The following LOXHD1 variants were observed in gnomAD, a reference collection of about 807,000 sequenced individuals.
The protein encoded by LOXHD1 is lipoxygenase homology PLAT domains 1, also known as lipoxygenase homology domain-containing protein 1.
Under a neutral mutation model 248.2 loss-of-function variants are expected in LOXHD1, and 205 were observed. The observed-to-expected ratio is 0.83, with a 90% confidence interval of 0.74 to 0.93. The LOEUF is 0.93. Among genes scored for constraint, LOXHD1 ranks in the 40% least tolerant of loss-of-function variants. The pLI, the probability that LOXHD1 is intolerant of heterozygous loss-of-function variation, is 0.00. For synonymous variants in LOXHD1, 1,113 were observed against 1,162.8 expected (o/e 0.96, Z 0.87); for missense variants, 2,930 against 2,971.6 (o/e 0.99, Z 0.33).
At chr18:46,539,504 C>T (rs1478566998) in intron 25 of LOXHD1, among the ~76,000 whole-genome samples, 2 of 152,032 alleles carry the variant, frequency 1.3e-5, no homozygotes, top group African/African-American at 2.4e-5. Context: ...AGTTTCTCTG[C>T]AGGATGGGTC....
At chr18:46,562,622 G>A (rs1042723245) in intron 18 of LOXHD1, among the ~76,000 whole-genome samples, 1 of 152,172 alleles carries the variant, frequency 6.6e-6, no homozygotes, top group African/African-American at 2.4e-5. Flanking sequence ...TAGACTCAGA[G>A]GCCACAGGGC....
chr18:46,538,062 G>A, intron 26 of LOXHD1, 94 bp downstream of exon 26: 1 of 1,168,920 alleles, frequency 8.6e-7, no homozygotes, highest in East Asian at 2.6e-5. Flanking sequence ...AGTGCATCAG[G>A]ATGAAGGGCA....
Position 46,505,863 on chromosome 18 carries a change from C to T in LOXHD1, c.5853G>A (p.Lys1951=), listed in dbSNP as rs201366522. The T allele has an allele frequency of 5.7e-4, 877 of 1,551,706 alleles. 3 individuals carry two copies. The highest frequency in any genetic ancestry group is 1.7e-3 in the Middle Eastern group (10 of 5,992). ...CTTTGTTGTCGTGCCAGACCCTCAGCTTGCAGAGGTGGCCCAAGCTCAGCA... is the reference window on the plus strand; with the variant it reads ...CTTTGTTGTCGTGCCAGACCCTCAGTTTGCAGAGGTGGCCCAAGCTCAGCA... ...PDMLSLGHLC[K]LRVWHDNKGI... Residue 1951 remains lysine, a synonymous_variant, in exon 37 of 41, where the codon AAG becomes AAA. Transcript: ENST00000642948.
chr18:46,595,734 G>C (rs897502375), intron 8 of LOXHD1, among the ~76,000 whole-genome samples: 1 of 152,176 alleles, frequency 6.6e-6, no homozygotes, highest in Non-Finnish European at 1.5e-5. Context: ...CAAAGTTGGA[G>C]AGCATCCTCG....
intron 34 of LOXHD1, among the ~76,000 whole-genome samples, chr18:46,515,734 T>C (rs1455411089): frequency 6.6e-6 from 1 of 152,126 alleles, no homozygotes. Context: ...AGACTGAATA[T>C]GCAAACAATA....
chr18:46,611,510 CTTAG>C (rs1053882637), intron 5 of LOXHD1, among the ~76,000 whole-genome samples: 9 of 152,184 alleles, frequency 5.9e-5, no homozygotes, highest in African/African-American at 1.7e-4. Context: ...GTTATAAGCA[CTTAG>C]TTAGGACTCA....
chr18:46,626,490 A>G (rs538566837), intron 4 of LOXHD1, among the ~76,000 whole-genome samples: 3 of 152,370 alleles, frequency 2.0e-5, no homozygotes, highest in Admixed American at 2.0e-4. Flanking sequence ...GTGAGCCAAC[A>G]TCATGCTACT....
Position 46,566,352 on chromosome 18 carries a change from T to A in LOXHD1, c.2342A>T (p.Tyr781Phe). 1 of 1,551,786 alleles carries A rather than the reference T, an allele frequency of 6.4e-7. No individual in the cohort carries two copies. The change falls in exon 17 of 41, where the codon TAC (tyrosine) becomes TTC (phenylalanine). Residue 781 changes from tyrosine to phenylalanine, a missense_variant. Coordinates refer to ENST00000642948, the MANE Select transcript of LOXHD1 (RefSeq NM_001384474.1). ...CAGCCAGCGGTTGGCGGGAAAGGTG[T>A]ACTGCTTGCCTTGACGGGGCACACG... ...QIRVPRQGKQ[Y>F]TFPANRWLDK...
intron 12 of LOXHD1, among the ~76,000 whole-genome samples, chr18:46,587,248 T>C (rs2038079475): frequency 6.6e-6 from 1 of 152,154 alleles, no homozygotes; most frequent in South Asian, 2.1e-4. Context: ...GTCCAACGTA[T>C]CAACAGTGAG....
chr18:46,557,389 C>T lies in LOXHD1; in HGVS notation c.3317G>A (p.Arg1106Lys). ...GTTGTTCATGTCAGTAATGTCTATT[C>T]TGTCCAGGAACCAGCCTGCTCTGTT... ...TGNRAGWFLD[R>K]IDITDMNNEI... Residue 1106 changes from arginine to lysine, a missense_variant, in exon 21 of 41, where the codon AGA becomes AAA. Physicochemically the swap from Arg to Lys is conservative, Grantham distance 26. Coordinates refer to ENST00000642948, the MANE Select transcript of LOXHD1 (RefSeq NM_001384474.1). The T allele has an allele frequency of 1.3e-6, 2 of 1,552,374 alleles. No individual in the cohort carries two copies. The highest frequency in any genetic ancestry group is 8.7e-7 in the Non-Finnish European group (1 of 1,147,142).
chr18:46,586,077 C>T (rs1039476303), intron 12 of LOXHD1, among the ~76,000 whole-genome samples: 2 of 152,072 alleles, frequency 1.3e-5, no homozygotes, highest in African/African-American at 4.8e-5. Flanking sequence ...ATAAAAAGAA[C>T]GGAGTACTGA....
Position 46,601,270 on chromosome 18 carries a change from C to T in LOXHD1, c.1081G>A (p.Val361Ile). 1.3e-6 allele frequency: 2 copies of T among 1,551,714 alleles called. No homozygotes were observed. The highest frequency in any genetic ancestry group is 1.7e-6 in the Non-Finnish European group (2 of 1,147,002). ...LAVLLSPLSR[V>I]SVGHGNVGVN... Reference sequence around the variant, plus strand: ...CCCACATTGCCATGCCCGACGGAGACCCGACTCAGGGGGCTAAGGAGGACA... The same window carrying T: ...CCCACATTGCCATGCCCGACGGAGATCCGACTCAGGGGGCTAAGGAGGACA... Residue 361 changes from valine to isoleucine, a missense_variant, in exon 8 of 41, where the codon GTC (valine) becomes ATC (isoleucine). Physicochemically the swap from Val to Ile is conservative, Grantham distance 29. Transcript: ENST00000642948.
rs1200988494 is a variant in LOXHD1 at position 46,594,455 on chromosome 18, C to A, written c.1146G>T (p.Leu382=). 9 of 1,551,330 alleles carry A rather than the reference C, an allele frequency of 5.8e-6. No individual in the cohort carries two copies. The highest frequency in any genetic ancestry group is 5.2e-6 in the Non-Finnish European group (6 of 1,146,966). Residue 382 remains leucine (L), a synonymous_variant, in exon 9 of 41, where the codon CTG becomes CTT. Coordinates refer to ENST00000642948, the MANE Select transcript of LOXHD1 (RefSeq NM_001384474.1). ...RGWFCEKVVI[L]CPFTGIQQTF... is the part of the protein sequence containing the mutation. ...TCTGCTGGATACCAGTGAAGGGGCA[C>A]AGAATCACCACCTGGGGAGAGTGGA... is the stretch of plus-strand genomic sequence containing the variant.
chr18:46,558,008 A>G (rs2037412639), intron 20 of LOXHD1: 16 of 995,658 alleles, frequency 1.6e-5, no homozygotes, highest in Non-Finnish European at 2.4e-6. Context: ...CACCATGTGA[A>G]TGCACACACT....
intron 1 of LOXHD1, among the ~76,000 whole-genome samples, chr18:46,655,052 G>T (rs1002383310): frequency 6.6e-6 from 1 of 152,194 alleles, no homozygotes; most frequent in Non-Finnish European, 1.5e-5. Flanking sequence ...CACATCTGCT[G>T]CAATGTGTCA....
rs1459396728 is a variant in LOXHD1 at position 46,506,017 on chromosome 18, C to T, written c.5699G>A (p.Gly1900Asp). ...GATGATGAACACGTTGGCATCAGTG[C>T]CTGCTCCTGGGGGGTGCACAAGGTG... ...AVKTSDILGA[G>D]TDANVFIIIF... Residue 1900 changes from glycine (G) to aspartate (D), a missense_variant, in exon 37 of 41, where the codon GGC (glycine) becomes GAC (aspartate). Gly to Asp is a moderately conservative substitution (Grantham distance 94). Transcript: ENST00000642948. 6 of 1,552,036 alleles carry T rather than the reference C, an allele frequency of 3.9e-6. No individual in the cohort carries two copies. The South Asian group carries it at 5.9e-5, about 15-fold the overall frequency.
chr18:46,566,318 G>C lies in LOXHD1; in HGVS notation c.2376C>G (p.Asn792Lys), dbSNP rs1489217501. The change falls in exon 17 of 41, where the codon AAC becomes AAG. Residue 792 changes from asparagine (N) to lysine (K), a missense_variant. Transcript: ENST00000642948. ...CCACCTCCAGGCGCCCGTCAGCCTG[G>C]TTCTTGTCCAGCCAGCGGTTGGCGG... is the stretch of plus-strand genomic sequence containing the variant. ...TFPANRWLDK[N>K]QADGRLEVEL... is the part of the protein sequence containing the mutation. The C allele has an allele frequency of 6.4e-7, 1 of 1,551,906 alleles. No individual in the cohort carries two copies. Among genetic ancestry groups the C allele is most frequent in the South Asian group, 1.2e-5 (1 of 84,060 alleles).
Position 46,557,411 on chromosome 18 carries a change from T to C in LOXHD1, c.3295A>G (p.Arg1099Gly). 1 of 1,552,372 alleles carries C rather than the reference T, an allele frequency of 6.4e-7. No individual in the cohort carries two copies. Among genetic ancestry groups the C allele is most frequent in the Non-Finnish European group, 8.7e-7 (1 of 1,147,148 alleles). The change falls in exon 21 of 41, where the codon AGA (arginine) becomes GGA (glycine). Residue 1099 changes from arginine (R) to glycine (G), a missense_variant. Physicochemically the swap from Arg to Gly is moderately radical, Grantham distance 125 (BLOSUM62 -2). Coordinates refer to ENST00000642948, the MANE Select transcript of LOXHD1 (RefSeq NM_001384474.1). ...IRIRHDNTGN[R>G]AGWFLDRIDI... ...ATTCTGTCCAGGAACCAGCCTGCTC[T>C]GTTGCCTGTGTTGTCGTGGCGAATC...
rs1004647571 is a variant in LOXHD1, at chr18:46,542,871, C to A, written c.3620-16G>T. On this transcript the variant is annotated splice_polypyrimidine_tract_variant and intron_variant, in intron 23 of 40. Transcript: ENST00000642948. ...AGGGTCATTCCTGTGGATCAGATGA[C>A]CCCAGCATGACTGGCTGGACCTGAG... 1.9e-6 allele frequency: 3 copies of A among 1,551,674 alleles called. No homozygotes were observed. Among genetic ancestry groups the A allele is most frequent in the Admixed American group, 2.0e-5 (1 of 51,008 alleles).
Sources: gnomAD v4.1 joint callset for allele counts (sites outside exome capture counted in the v4.1 genomes callset) on GRCh38, gnomAD v4.1.1 for gene constraint, MANE v1.5 for transcripts, NCBI Gene and HGNC (gene_info 2026-07-23, HGNC 2026-07-21) for gene names.